The following TMEM38B variants were observed in gnomAD, a reference collection of about 807,000 sequenced individuals.
TMEM38B encodes trimeric intracellular cation channel type B.
Under a neutral mutation model 28.7 loss-of-function variants are expected in TMEM38B, and 24 were observed. That is an observed-to-expected ratio of 0.84 (90% CI 0.61 to 1.18). The LOEUF (loss-of-function observed/expected upper bound fraction) is 1.18. TMEM38B is among the 50% of genes most tolerant of loss of function. The pLI, the probability that TMEM38B is intolerant of heterozygous loss-of-function variation, is 0.00. For missense variants in TMEM38B, 380 were observed against 350.9 expected (o/e 1.08, Z -0.66); for synonymous variants, 131 against 127.7 (o/e 1.03, Z -0.17).
intron 5 of TMEM38B, chr9:105,758,388 A>C: frequency 1.5e-6 from 2 of 1,303,582 alleles, no homozygotes; most frequent in Admixed American, 3.4e-5. Context: ...TGAAATTACC[A>C]CATCTTTTCG....
chr9:105,773,865 A>G lies in TMEM38B; in HGVS notation c.661A>G (p.Ile221Val), dbSNP rs773654365. ...TCAAAATTAAACTTTTTTCCCCCAGATAACCATGATGACTACACAGACTTC... is the reference window on the plus strand; with the variant it reads ...TCAAAATTAAACTTTTTTCCCCCAGGTAACCATGATGACTACACAGACTTC... ...LYTIFIVATKITMMTTQTSTM... is the reference protein window; with the variant it reads ...LYTIFIVATKVTMMTTQTSTM... The change falls in exon 6 of 6, where the codon ATA (isoleucine) becomes GTA (valine). Residue 221 changes from isoleucine (I) to valine (V), a missense_variant and splice_region_variant. Transcript: ENST00000374692. 2.5e-6 allele frequency: 4 copies of G among 1,601,812 alleles called. No homozygotes were observed. In the South Asian group the frequency reaches 3.4e-5, roughly 14 times the overall value.
chr9:105,756,963 G>A (rs944352231), intron 5 of TMEM38B, among the ~76,000 whole-genome samples: 3 of 151,908 alleles, frequency 2.0e-5, no homozygotes, highest in Non-Finnish European at 4.4e-5. Context: ...TGGTTACATG[G>A]ATAAGTTCTT....
intron 5 of TMEM38B, among the ~76,000 whole-genome samples, chr9:105,762,335 C>T (rs1272077587): frequency 6.6e-6 from 1 of 150,772 alleles, no homozygotes; most frequent in Non-Finnish European, 1.5e-5. Context: ...TATACATGTG[C>T]CATGCTGGTG....
At chr9:105,720,726 C>T (rs796495682) in intron 2 of TMEM38B, among the ~76,000 whole-genome samples, 62 of 152,078 alleles carry the variant, frequency 4.1e-4, no homozygotes, top group African/African-American at 1.3e-3. Context: ...CTTTTATTTA[C>T]CCCGTTAGAA....
rs559011927 is a variant in TMEM38B, at chr9:105,704,310, G to A, written c.113-1287G>A. On this transcript the variant is annotated intron_variant, in intron 1 of 5. Coordinates refer to ENST00000374692, the MANE Select transcript of TMEM38B (RefSeq NM_018112.3). ...TACTTGGGAGGCTGAGGCATGAGAC[G>A]TGCTTGAACTCAGGATGCTGAGGTT... is the stretch of plus-strand genomic sequence containing the variant. Among the ~76,000 whole-genome samples, 11 of 151,884 alleles carry A rather than the reference G, an allele frequency of 7.2e-5. No homozygotes were observed. In the South Asian group the frequency reaches 1.5e-3, roughly 20 times the overall value.
chr9:105,773,267 A>G (rs1826618065), intron 5 of TMEM38B, among the ~76,000 whole-genome samples: 1 of 152,190 alleles, frequency 6.6e-6, no homozygotes. Context: ...ATAAAAATAT[A>G]TGTGGAAAAA....
At chr9:105,766,514 T>C (rs1826375298) in intron 5 of TMEM38B, among the ~76,000 whole-genome samples, 1 of 152,168 alleles carries the variant, frequency 6.6e-6, no homozygotes, top group Non-Finnish European at 1.5e-5. Context: ...TGGTGAGATA[T>C]ATGTATTGCA....
chr9:105,719,149 T>C (rs1454430661), intron 2 of TMEM38B, among the ~76,000 whole-genome samples: 2 of 152,232 alleles, frequency 1.3e-5, no homozygotes, highest in Non-Finnish European at 2.9e-5. Flanking sequence ...TAAATTCTAC[T>C]CTCACTTTTT....
At chr9:105,742,100 A>C (rs1837227594) in intron 4 of TMEM38B, among the ~76,000 whole-genome samples, 1 of 146,890 alleles carries the variant, frequency 6.8e-6, no homozygotes, top group Non-Finnish European at 1.5e-5. Context: ...CTTGGACTGA[A>C]AGGAGAAAGA....
At chr9:105,718,693 G>A (rs1232994620) in intron 2 of TMEM38B, among the ~76,000 whole-genome samples, 1 of 152,140 alleles carries the variant, frequency 6.6e-6, no homozygotes, top group Non-Finnish European at 1.5e-5. Context: ...TCATAGTATT[G>A]TGTACACTTT....
chr9:105,760,487 A>G (rs1838001413), intron 5 of TMEM38B: 1 of 745,614 alleles, frequency 1.3e-6, no homozygotes, highest in Non-Finnish European at 2.4e-6. Flanking sequence ...TACTGTAAGC[A>G]GATTAGTGCT....
chr9:105,737,894 C>A (rs915437060), intron 4 of TMEM38B, among the ~76,000 whole-genome samples: 3 of 152,094 alleles, frequency 2.0e-5, no homozygotes, highest in Admixed American at 2.0e-4. Context: ...GAGTAGGACA[C>A]AGAAACAACT....
intron 5 of TMEM38B, chr9:105,760,047 TC>T (rs1837981297): frequency 1.6e-6 from 2 of 1,244,490 alleles, no homozygotes; most frequent in South Asian, 2.6e-5. Flanking sequence ...ATTCTTTACT[TC>T]CAGCTTCTTC....
intron 4 of TMEM38B, among the ~76,000 whole-genome samples, chr9:105,739,824 C>A (rs188456072): frequency 7.2e-5 from 11 of 151,830 alleles, no homozygotes; most frequent in Non-Finnish European, 1.5e-4. Flanking sequence ...CATGCCTGGC[C>A]GGTTTTAAGT....
At chr9:105,767,028 A>G (rs1826397932) in intron 5 of TMEM38B, among the ~76,000 whole-genome samples, 1 of 151,662 alleles carries the variant, frequency 6.6e-6, no homozygotes, top group Admixed American at 6.6e-5. Context: ...GCTCAGAATG[A>G]TGGTTTCCAG....
At position 105,737,775 on chromosome 9, in the gene TMEM38B, C is replaced by T. The variant is rs966206256; in HGVS notation, c.543-10298C>T. Among the ~76,000 whole-genome samples, 5 of 152,176 alleles carry T rather than the reference C, an allele frequency of 3.3e-5. 1 individual carries two copies. The highest frequency in any genetic ancestry group is 1.3e-4 in the Admixed American group (2 of 15,282). ...AGGTTCCCTGGGAATTGGAGTGCCA[C>T]GTCAGCTCCGGTGCTGCTTTGGCTC... On this transcript the variant is annotated intron_variant, in intron 4 of 5. Transcript: ENST00000374692.
chr9:105,759,775 A>G, intron 5 of TMEM38B: 2 of 1,608,456 alleles, frequency 1.2e-6, no homozygotes, highest in Admixed American at 1.7e-5. Context: ...TAAGAGAACC[A>G]CTACTTTGAC....
At chr9:105,729,670 G>A (rs547655363) in intron 4 of TMEM38B, among the ~76,000 whole-genome samples, 4 of 152,232 alleles carry the variant, frequency 2.6e-5, no homozygotes, top group East Asian at 1.9e-4. Context: ...ATTACCTTGG[G>A]CAGTATGGCC....
intron 3 of TMEM38B, 134 bp downstream of exon 3, chr9:105,721,855 G>C: frequency 1.5e-6 from 1 of 649,958 alleles, no homozygotes; most frequent in South Asian, 3.6e-5. Flanking sequence ...TAAAAACCTT[G>C]TTTCTGTTGG....
Sources: allele counts gnomAD v4.1 joint callset (sites outside exome capture counted in the v4.1 genomes callset), GRCh38; gene constraint gnomAD v4.1.1; transcripts MANE v1.5; gene names NCBI Gene and HGNC (gene_info 2026-07-23, HGNC 2026-07-21).